PREP: variants seen among roughly 807,000 people sequenced by gnomAD.
PREP encodes prolyl endopeptidase, also known as dJ355L5.1 (prolyl endopeptidase).
A neutral mutation model predicts 87.6 loss-of-function variants in PREP; 29 were observed. The observed-to-expected ratio is 0.33, with a 90% CI of 0.25 to 0.45. The LOEUF is 0.45. Ranked by LOEUF, PREP falls within the 20% of genes least tolerant of loss-of-function variation. The pLI is 1.00. For synonymous variants in PREP, 337 were observed against 328.6 expected, an observed-to-expected ratio of 1.03 and a Z score of -0.28; for missense variants, 695 against 886.5, an observed-to-expected ratio of 0.78 and a Z score of 2.74.
intron 13 of PREP, 42 bp from the exon 14 acceptor site, chr6:105,281,944 T>G (rs376678983): frequency 6.2e-7 from 1 of 1,603,706 alleles, no homozygotes; most frequent in Non-Finnish European, 8.5e-7. Flanking sequence ...CAGTCTATCA[T>G]TAAACATCTA....
chr6:105,338,882 C>G (rs937172587), intron 7 of PREP, among the ~76,000 whole-genome samples: 38 of 152,220 alleles, frequency 2.5e-4, no homozygotes, highest in Non-Finnish European at 4.7e-4. Flanking sequence ...GTAAACAAAG[C>G]GGCTGGGTAA....
intron 7 of PREP, among the ~76,000 whole-genome samples, chr6:105,341,145 C>T (rs575887918): frequency 6.6e-6 from 1 of 152,338 alleles, no homozygotes; most frequent in East Asian, 1.9e-4. Context: ...AAGTAAAGCA[C>T]TCCCCAGCAA....
intron 6 of PREP, among the ~76,000 whole-genome samples, chr6:105,356,580 C>A (rs751199100): frequency 1.3e-5 from 2 of 152,202 alleles, no homozygotes; most frequent in East Asian, 1.9e-4. Context: ...GATTTCCAAT[C>A]TTTGGATCAT....
At chr6:105,372,058 T>C (rs889413112) in intron 5 of PREP, among the ~76,000 whole-genome samples, 2 of 152,146 alleles carry the variant, frequency 1.3e-5, no homozygotes, top group Non-Finnish European at 2.9e-5. Flanking sequence ...CCAACATCCT[T>C]GAATAAAAAA....
intron 7 of PREP, among the ~76,000 whole-genome samples, chr6:105,349,898 T>TAAAAAAAAA (rs1162063177): frequency 7.9e-4 from 47 of 59,420 alleles, no homozygotes; most frequent in African/African-American, 1.4e-3. Flanking sequence ...GGGAAGCAGG[T>TAAAAAAAAA]AAAAAAAAAA....
chr6:105,313,032 T>C (rs987455271), intron 10 of PREP, among the ~76,000 whole-genome samples: 3 of 152,170 alleles, frequency 2.0e-5, no homozygotes, highest in Non-Finnish European at 2.9e-5. Context: ...TTTATAACTA[T>C]GACAACATTT....
rs781761898 is a variant in PREP, at chr6:105,281,796, G to A, written c.1788C>T (p.Thr596=). The change falls in exon 14 of 15, where the codon ACC becomes ACT. Residue 596 remains threonine (T), a synonymous_variant. Coordinates refer to ENST00000652536, the MANE Select transcript of PREP (RefSeq NM_002726.5). The part of the protein sequence containing the change: ...FHKYTIGHAW[T]TDYGCSDSKQ... ...TGCTGTCCGAGCACCCATAATCAGTGGTCCAAGCATGGCCGATGGTATATT... is the reference window on the plus strand; with the variant it reads ...TGCTGTCCGAGCACCCATAATCAGTAGTCCAAGCATGGCCGATGGTATATT... The A allele has an allele frequency of 6.2e-7, 1 of 1,614,130 alleles. No homozygotes were observed. Among genetic ancestry groups the A allele is most frequent in the South Asian group, 1.1e-5 (1 of 91,060 alleles).
At chr6:105,355,126 T>C (rs903060284) in intron 6 of PREP, among the ~76,000 whole-genome samples, 5 of 146,454 alleles carry the variant, frequency 3.4e-5, no homozygotes, top group Non-Finnish European at 5.9e-5. Flanking sequence ...GAGTTTTACC[T>C]TGTAGCCCAG....
At chr6:105,361,033 T>C (rs1464545098) in intron 6 of PREP, among the ~76,000 whole-genome samples, 3 of 152,216 alleles carry the variant, frequency 2.0e-5, no homozygotes, top group Non-Finnish European at 2.9e-5. Flanking sequence ...CATCTCAATA[T>C]GGAATTCTCT....
intron 4 of PREP, 23 bp downstream of exon 4, chr6:105,376,102 G>C (rs375090349): frequency 6.2e-7 from 1 of 1,603,278 alleles, no homozygotes; most frequent in Non-Finnish European, 8.5e-7. Context: ...GGAGTTCCAC[G>C]GGCCTCTCTG....
intron 6 of PREP, among the ~76,000 whole-genome samples, chr6:105,356,784 G>A (rs1772111109): frequency 6.6e-6 from 1 of 152,172 alleles, no homozygotes; most frequent in South Asian, 2.1e-4. Flanking sequence ...TACAGCAGGA[G>A]GACTAGTCCA....
At chr6:105,375,593 A>C (rs1772667348) in intron 4 of PREP, among the ~76,000 whole-genome samples, 1 of 152,230 alleles carries the variant, frequency 6.6e-6, no homozygotes, top group Non-Finnish European at 1.5e-5. Context: ...TCTTCAGGGA[A>C]CAGGATACCC....
intron 10 of PREP, among the ~76,000 whole-genome samples, chr6:105,312,930 T>G (rs910529062): frequency 4.6e-5 from 7 of 152,172 alleles, no homozygotes; most frequent in African/African-American, 1.4e-4. Flanking sequence ...TGGAGGAGCA[T>G]GTACCCAACA....
Position 105,276,021 on chromosome 6 carries a change from T to G in PREP, c.*2123A>C, listed in dbSNP as rs1554203206. Reference sequence around the variant, plus strand: ...CAAAATAGCTAGAAGAGAGTAATCATAAGAAAGAGCCAAAGGGCAGAGCAC... The same window carrying G: ...CAAAATAGCTAGAAGAGAGTAATCAGAAGAAAGAGCCAAAGGGCAGAGCAC... On this transcript the variant is annotated 3_prime_UTR_variant, in exon 15 of 15. Coordinates refer to ENST00000652536, the MANE Select transcript of PREP (RefSeq NM_002726.5). Among the ~76,000 whole-genome samples, 1 of 152,132 alleles carries G rather than the reference T, an allele frequency of 6.6e-6. No individual in the cohort carries two copies. Among genetic ancestry groups the G allele is most frequent in the Non-Finnish European group, 1.5e-5 (1 of 68,022 alleles).
At chr6:105,318,053 C>T (rs1770919717) in intron 10 of PREP, among the ~76,000 whole-genome samples, 1 of 152,194 alleles carries the variant, frequency 6.6e-6, no homozygotes, top group South Asian at 2.1e-4. Context: ...GCCCTGATCT[C>T]AGGGTCTACA....
chr6:105,345,420 A>G (rs1562209050), intron 7 of PREP, among the ~76,000 whole-genome samples: 2 of 152,084 alleles, frequency 1.3e-5, no homozygotes, highest in Non-Finnish European at 2.9e-5. Context: ...TCATTTATTG[A>G]GTGAAGATTA....
chr6:105,340,941 G>C (rs1771630497), intron 7 of PREP, among the ~76,000 whole-genome samples: 1 of 152,082 alleles, frequency 6.6e-6, no homozygotes, highest in African/African-American at 2.4e-5. Flanking sequence ...AATAATAATG[G>C]GAGATTTTAA....
chr6:105,365,549 T>C (rs746904311), intron 6 of PREP, among the ~76,000 whole-genome samples: 4 of 152,146 alleles, frequency 2.6e-5, no homozygotes, highest in African/African-American at 4.8e-5. Context: ...ACTCTAGAGT[T>C]CATGTTTAAG....
At chr6:105,301,107 A>G (rs1770525157) in intron 10 of PREP, among the ~76,000 whole-genome samples, 1 of 152,232 alleles carries the variant, frequency 6.6e-6, no homozygotes, top group African/African-American at 2.4e-5. Context: ...CAGGACTCCC[A>G]TTATCGCCAG....
Sources: allele counts gnomAD v4.1 joint callset (sites outside exome capture counted in the v4.1 genomes callset), GRCh38; gene constraint gnomAD v4.1.1; transcripts MANE v1.5; gene names NCBI Gene and HGNC (gene_info 2026-07-23, HGNC 2026-07-21).